STK3: variants seen among roughly 807,000 people sequenced by gnomAD.
STK3 encodes serine/threonine-protein kinase 3.
A neutral mutation model predicts 58.0 loss-of-function variants in STK3; 41 were observed. The ratio of observed to expected loss-of-function variants is 0.71; its 90% CI spans 0.55 to 0.92. The LOEUF is 0.92. Ranked by LOEUF, STK3 falls within the 40% of genes least tolerant of loss-of-function variation. STK3 has a pLI of 0.00. For missense variants in STK3, 479 were observed against 602.7 expected (o/e 0.79, Z 2.15); for synonymous variants, 170 against 191.0 (o/e 0.89, Z 0.91).
In STK3 at chr8:98,432,394, A is replaced by C. The variant is rs1340141541; in HGVS notation, n.483+1733T>G. Reference sequence around the variant, plus strand: ...CCAGGCTTTGATATCTGTGATGTGCATTTTGGAAGTGCTGGGTTGGGAAGT... The same window carrying C: ...CCAGGCTTTGATATCTGTGATGTGCCTTTTGGAAGTGCTGGGTTGGGAAGT... On this transcript the variant is annotated intron_variant and non_coding_transcript_variant, in intron 3 of 3. Transcript: ENST00000517832. 2.4e-5 allele frequency: 4 copies of C among 167,054 alleles called. No homozygotes were observed. In the East Asian group the frequency reaches 7.7e-4, roughly 32 times the overall value. 10.3% of individuals were successfully genotyped at this position (167,054 alleles called of 1,614,324 possible).
Position 98,650,772 on chromosome 8 carries a change from C to T in STK3, c.685-54603G>A, listed in dbSNP as rs558847880. On this transcript the variant is annotated intron_variant, in intron 6 of 10. Transcript: ENST00000419617. ...AGTCTGAGATCAAACTGCAAGGTGGCAGCGAGGCTGGGGGAGGGGCGCCTG... is the reference window on the plus strand; with the variant it reads ...AGTCTGAGATCAAACTGCAAGGTGGTAGCGAGGCTGGGGGAGGGGCGCCTG... Among the ~76,000 whole-genome samples the T allele has an allele frequency of 7.7e-4, 118 of 152,338 alleles. 1 individual carries two copies. The highest frequency in any genetic ancestry group is 2.6e-3 in the African/African-American group (109 of 41,576).
At chr8:98,857,472 T>C (rs1836725744) in intron 3 of STK3, among the ~76,000 whole-genome samples, 1 of 150,332 alleles carries the variant, frequency 6.7e-6, no homozygotes, top group Non-Finnish European at 1.5e-5. Context: ...CTGTCATGTC[T>C]TTCAAAGGAA....
intron 10 of STK3, among the ~76,000 whole-genome samples, chr8:98,491,166 A>T (rs947276714): frequency 1.1e-4 from 1 of 9,226 alleles, no homozygotes; most frequent in Non-Finnish European, 4.6e-4. Flanking sequence ...TAAACACGAG[A>T]GAGAGAGAGA....
intron 6 of STK3, among the ~76,000 whole-genome samples, chr8:98,614,016 AC>A (rs1817430156): frequency 6.6e-6 from 1 of 152,230 alleles, no homozygotes; most frequent in East Asian, 1.9e-4. Flanking sequence ...ATGTATATGT[AC>A]CAACCAACAA....
At chr8:98,736,672 A>G (rs529633513) in intron 4 of STK3, among the ~76,000 whole-genome samples, 21 of 152,274 alleles carry the variant, frequency 1.4e-4, no homozygotes, top group African/African-American at 4.8e-4. Context: ...GATTTCTTTC[A>G]AAGACAAGCA....
chr8:98,767,193 G>C lies in STK3; in HGVS notation c.236+50C>G, dbSNP rs777621471. On this transcript the variant is annotated intron_variant, in intron 3 of 10. Coordinates refer to ENST00000419617, the MANE Select transcript of STK3 (RefSeq NM_006281.4). ...GAATAAATTTTGTTATATTTTATTA[G>C]CAAAACTCGTCAAAACAAGGGTAAG... 3 of 1,496,728 alleles carry C rather than the reference G, an allele frequency of 2.0e-6. No individual in the cohort carries two copies. In the East Asian group the frequency reaches 7.2e-5, roughly 36 times the overall value. The allele number at this position is 1,496,728 out of a possible 1,614,324, so 92.7% of individuals were successfully genotyped here.
At chr8:98,796,605 T>C (rs1833180097) in intron 1 of STK3, among the ~76,000 whole-genome samples, 1 of 152,178 alleles carries the variant, frequency 6.6e-6, no homozygotes, top group East Asian at 1.9e-4. Context: ...AACTGACAAG[T>C]GGGACCTAAT....
At chr8:98,449,727 A>G (rs1297930510), downstream of STK3, among the ~76,000 whole-genome samples, 1 of 152,192 alleles carries the variant, frequency 6.6e-6, no homozygotes. Flanking sequence ...TTGCCAATGT[A>G]CCAGTGGTGG....
the STK3 span, among the ~76,000 whole-genome samples, chr8:98,357,642 AC>A: frequency 3.0e-4 from 46 of 152,216 alleles, no homozygotes; most frequent in Admixed American, 2.4e-3. Context: ...GATAGGCACA[AC>A]CCCTTTGGGT....
chr8:98,620,958 C>G (rs970980834), intron 6 of STK3, among the ~76,000 whole-genome samples: 1 of 131,256 alleles, frequency 7.6e-6, no homozygotes, highest in Non-Finnish European at 1.5e-5. Context: ...GAGACGGAGT[C>G]TCGCTCTGTC....
intron 6 of STK3, among the ~76,000 whole-genome samples, chr8:98,699,696 T>C (rs1825366331): frequency 6.6e-6 from 1 of 152,178 alleles, no homozygotes; most frequent in Non-Finnish European, 1.5e-5. Context: ...GAACCGCGAA[T>C]GCTGCTGTCT....
chr8:98,755,983 T>C (rs1044378581), intron 3 of STK3, among the ~76,000 whole-genome samples: 1 of 151,318 alleles, frequency 6.6e-6, no homozygotes, highest in African/African-American at 2.4e-5. Context: ...CTACTAAAAA[T>C]ACAAAAAAAA....
intron 10 of STK3, among the ~76,000 whole-genome samples, chr8:98,501,153 A>AT (rs200845550): frequency 0.014 from 2,147 of 152,290 alleles, 49 homozygotes; most frequent in African/African-American, 0.048. Context: ...CGTTTCTCTA[A>AT]TGACCAGCAA....
chr8:98,523,671 A>G (rs1825546167), intron 10 of STK3, among the ~76,000 whole-genome samples: 1 of 151,714 alleles, frequency 6.6e-6, no homozygotes, highest in African/African-American at 2.4e-5. Context: ...CACCATGCCC[A>G]GCCCCTTTGC....
intron 6 of STK3, among the ~76,000 whole-genome samples, chr8:98,682,725 GTCTT>G (rs1299811378): frequency 1.3e-5 from 2 of 152,070 alleles, no homozygotes; most frequent in South Asian, 2.1e-4. Flanking sequence ...GGTATGACTT[GTCTT>G]TCTTTTTAAA....
At chr8:98,357,683 C>T in the STK3 span, among the ~76,000 whole-genome samples, 1 of 152,206 alleles carries the variant, frequency 6.6e-6, no homozygotes, top group Non-Finnish European at 1.5e-5. Context: ...TAATGGAGGG[C>T]GTGTTTCTCT....
intron 2 of STK3, among the ~76,000 whole-genome samples, chr8:98,374,775 G>A (rs1188524971): frequency 6.6e-6 from 1 of 152,160 alleles, no homozygotes; most frequent in Non-Finnish European, 1.5e-5. Context: ...TACATTTCAT[G>A]AGAATGCAGG....
chr8:98,721,011 T>C, intron 4 of STK3: 18 of 798,034 alleles, frequency 2.3e-5, no homozygotes, highest in Non-Finnish European at 2.7e-5. Context: ...TTATTTTCAA[T>C]GGTATGCCAG....
chr8:98,691,691 T>C (rs1345659350), intron 6 of STK3, among the ~76,000 whole-genome samples: 5 of 152,174 alleles, frequency 3.3e-5, no homozygotes, highest in Admixed American at 2.0e-4. Context: ...CCCAACACTT[T>C]GGGAAGCCAA....
Sources: gnomAD v4.1 joint callset for allele counts (sites outside exome capture counted in the v4.1 genomes callset) on GRCh38, gnomAD v4.1.1 for gene constraint, MANE v1.5 for transcripts, NCBI Gene and HGNC (gene_info 2026-07-23, HGNC 2026-07-21) for gene names.